Variants in NUP35 observed in about 807,000 individuals in gnomAD.
NUP35 encodes the protein nucleoporin 35.
In NUP35, 25 loss-of-function variants were observed where a neutral mutation model predicts 41.5. The ratio of observed to expected loss-of-function variants is 0.60; its 90% confidence interval spans 0.44 to 0.84. The LOEUF (loss-of-function observed/expected upper bound fraction) is 0.84. NUP35 is among the 40% of genes least tolerant of loss of function. NUP35 has a pLI of 0.00. For missense variants in NUP35, 396 were observed against 396.6 expected (o/e 1.00, Z 0.01); for synonymous variants, 149 against 130.7 (o/e 1.14, Z -0.96).
At chr2:183,135,074 C>A (rs981764260) in intron 4 of NUP35, among the ~76,000 whole-genome samples, 1 of 152,018 alleles carries the variant, frequency 6.6e-6, no homozygotes, top group African/African-American at 2.4e-5. Context: ...TTTTAAAGAC[C>A]CTTGTGAATA....
At chr2:183,123,990 A>T (rs1483185314), upstream of NUP35, among the ~76,000 whole-genome samples, 1 of 152,220 alleles carries the variant, frequency 6.6e-6, no homozygotes, top group Middle Eastern at 3.2e-3. Flanking sequence ...GATAGTAGAA[A>T]ACATGCTTTG....
At position 183,130,499 on chromosome 2, in the gene NUP35, T is replaced by G; in HGVS notation, c.293T>G (p.Ile98Ser). The G allele has an allele frequency of 3.7e-6, 6 of 1,612,372 alleles. No homozygotes were observed. The highest frequency in any genetic ancestry group is 5.1e-6 in the Non-Finnish European group (6 of 1,179,590). ...CCAGTTAGAAGTATATATGATGACATTTCTAGCCCAGGACTTGGATCAACA... is the reference window on the plus strand; with the variant it reads ...CCAGTTAGAAGTATATATGATGACAGTTCTAGCCCAGGACTTGGATCAACA... ...APPVRSIYDD[I>S]SSPGLGSTPL... Residue 98 changes from isoleucine to serine, a missense_variant, in exon 3 of 9, where the codon ATT (isoleucine) becomes AGT (serine). By Grantham distance (142) the Ile-to-Ser change is moderately radical. Transcript: ENST00000295119.
chr2:183,136,047 G>A (rs571818527), intron 4 of NUP35, among the ~76,000 whole-genome samples: 1 of 152,302 alleles, frequency 6.6e-6, no homozygotes, highest in African/African-American at 2.4e-5. Flanking sequence ...GAGGCAGTCT[G>A]TGAGCACTCA....
At chr2:183,146,781 G>C (rs1282294626) in intron 4 of NUP35, among the ~76,000 whole-genome samples, 1 of 152,104 alleles carries the variant, frequency 6.6e-6, no homozygotes, top group East Asian at 1.9e-4. Flanking sequence ...ATTTTTAGTA[G>C]AGATGGGGTT....
intron 8 of NUP35, chr2:183,159,989 C>CTA: frequency 5.4e-6 from 1 of 184,882 alleles, no homozygotes; most frequent in East Asian, 1.7e-4. Flanking sequence ...AAATTGATGA[C>CTA]TAAATTGATG....
At chr2:183,131,975 C>T (rs565334861) in intron 3 of NUP35, among the ~76,000 whole-genome samples, 2 of 152,142 alleles carry the variant, frequency 1.3e-5, no homozygotes, top group South Asian at 2.1e-4. Context: ...AATCCCAGCA[C>T]TTTGGGAGGC....
upstream of NUP35, chr2:183,119,915 G>A (rs1700042876): frequency 6.6e-6 from 1 of 152,158 alleles, no homozygotes; most frequent in Non-Finnish European, 1.5e-5. Flanking sequence ...AATGTGTATT[G>A]CCTTTAGGGG....
chr2:183,159,792 A>G, intron 8 of NUP35, 140 bp downstream of exon 8: 1 of 585,802 alleles, frequency 1.7e-6, no homozygotes, highest in Non-Finnish European at 2.8e-6. Context: ...TTACGCTTTA[A>G]AAGTTTTCTG....
intron 4 of NUP35, among the ~76,000 whole-genome samples, chr2:183,149,548 C>T (rs1685392288): frequency 6.6e-6 from 1 of 152,202 alleles, no homozygotes; most frequent in Non-Finnish European, 1.5e-5. Flanking sequence ...CTCTGGAAAA[C>T]TCCACTGTAC....
chr2:183,143,501 T>C (rs1161096972), intron 4 of NUP35, among the ~76,000 whole-genome samples: 1 of 152,200 alleles, frequency 6.6e-6, no homozygotes, highest in Admixed American at 6.5e-5. Context: ...GTGTTCTGAA[T>C]ATGGGCAGGG....
chr2:183,155,862 G>C (rs1685645921), intron 5 of NUP35, among the ~76,000 whole-genome samples: 2 of 152,156 alleles, frequency 1.3e-5, no homozygotes, highest in South Asian at 4.1e-4. Context: ...TCGTATTTCA[G>C]ACATTAACTC....
intron 3 of NUP35, among the ~76,000 whole-genome samples, chr2:183,131,786 A>G (rs1684703919): frequency 6.6e-6 from 1 of 152,224 alleles, no homozygotes; most frequent in South Asian, 2.1e-4. Context: ...GCTAAATATT[A>G]CTAAATTTCA....
chr2:183,148,958 A>C (rs76649974), intron 4 of NUP35, among the ~76,000 whole-genome samples: 6,916 of 152,308 alleles, frequency 0.045, 246 homozygotes, highest in South Asian at 0.15. Flanking sequence ...TTATCACAGT[A>C]GCTTTTCCCC....
At chr2:183,151,360 A>T in intron 4 of NUP35, 148 bp from the exon 5 acceptor site, 1 of 602,528 alleles carries the variant, frequency 1.7e-6, no homozygotes, top group Non-Finnish European at 2.8e-6. Flanking sequence ...GGTAGCATGA[A>T]ATTGCTATTT....
At chr2:183,117,807 G>T (rs904051756) in intron 1 of NUP35, among the ~76,000 whole-genome samples, 5 of 152,100 alleles carry the variant, frequency 3.3e-5, no homozygotes, top group African/African-American at 1.2e-4. Flanking sequence ...AGATATACAA[G>T]CAGTTTGGTG....
intron 4 of NUP35, among the ~76,000 whole-genome samples, chr2:183,141,096 T>G (rs72894544): frequency 0.032 from 4,919 of 152,190 alleles, 97 homozygotes; most frequent in Non-Finnish European, 0.043. Flanking sequence ...CCTCTGGAGA[T>G]TCTATGGACA....
intron 2 of NUP35, 103 bp downstream of exon 2, chr2:183,128,560 A>C (rs1684581247): frequency 1.2e-5 from 8 of 671,848 alleles, no homozygotes; most frequent in Non-Finnish European, 1.6e-5. Context: ...GACTTGGGCC[A>C]CACATAAAAT....
chr2:183,160,771 C>T, intron 8 of NUP35: 1 of 194,532 alleles, frequency 5.1e-6, no homozygotes, highest in Non-Finnish European at 1.1e-5. Context: ...ATTCTAAGTC[C>T]ATATTTTAAT....
intron 5 of NUP35, among the ~76,000 whole-genome samples, chr2:183,156,728 T>C (rs920950861): frequency 6.6e-6 from 1 of 152,130 alleles, no homozygotes; most frequent in Non-Finnish European, 1.5e-5. Flanking sequence ...TAATTCAGTC[T>C]TCAGATAACT....
Sources: allele counts gnomAD v4.1 joint callset (sites outside exome capture counted in the v4.1 genomes callset), GRCh38; gene constraint gnomAD v4.1.1; transcripts MANE v1.5; gene names NCBI Gene and HGNC (gene_info 2026-07-23, HGNC 2026-07-21).